CCDC150: variants seen among roughly 807,000 people sequenced by gnomAD.
The protein encoded by CCDC150 is coiled-coil domain-containing protein 150.
CCDC150 carries 151 observed loss-of-function variants against 156.5 expected under a neutral mutation model. That is an observed-to-expected ratio of 0.97 (90% CI 0.85 to 1.10). CCDC150 has a LOEUF of 1.10. Among genes scored for constraint, CCDC150 ranks in the 50% least tolerant of loss-of-function variants. The pLI, the probability that CCDC150 is intolerant of heterozygous loss-of-function variation, is 0.00. For missense variants in CCDC150, 1,312 were observed against 1,268.1 expected, an observed-to-expected ratio of 1.03 and a Z score of -0.53; for synonymous variants, 452 against 429.4, an observed-to-expected ratio of 1.05 and a Z score of -0.65.
chr2:196,713,354 A>G (rs1406091697), intron 17 of CCDC150: 2 of 1,458,742 alleles, frequency 1.4e-6, no homozygotes, highest in Non-Finnish European at 1.8e-6. Context: ...TTAATAATTG[A>G]CGATGCCTCT....
In CCDC150 at chr2:196,721,691, A is replaced by G; in HGVS notation, c.2429A>G (p.Lys810Arg). ...ELERQNLETF[K>R]DRMTEESKVE... is the part of the protein sequence containing the mutation. ...GAGCGACAGAATTTGGAAACCTTCA[A>G]GTAAGAGCATTATAGTTGCAGTAAA... is the stretch of plus-strand genomic sequence containing the variant. Residue 810 changes from lysine to arginine, a missense_variant and splice_region_variant, in exon 21 of 28, where the codon AAA becomes AGA. Coordinates refer to ENST00000389175, the MANE Select transcript of CCDC150 (RefSeq NM_001080539.2). The G allele has an allele frequency of 6.3e-7, 1 of 1,590,458 alleles. No homozygotes were observed. The highest frequency in any genetic ancestry group is 8.6e-7 in the Non-Finnish European group (1 of 1,169,144).
chr2:196,665,139 T>G (rs1693768171), intron 5 of CCDC150, among the ~76,000 whole-genome samples: 1 of 152,210 alleles, frequency 6.6e-6, no homozygotes, highest in South Asian at 2.1e-4. Flanking sequence ...ACTAGTGTTT[T>G]TCAAACTTTT....
chr2:196,724,618 G>A (rs1698109324), intron 21 of CCDC150, among the ~76,000 whole-genome samples: 1 of 152,072 alleles, frequency 6.6e-6, no homozygotes, highest in African/African-American at 2.4e-5. Context: ...CCATACTCAA[G>A]GTCAGACATC....
intron 13 of CCDC150, among the ~76,000 whole-genome samples, chr2:196,680,017 A>G (rs1003635873): frequency 3.3e-5 from 5 of 152,104 alleles, no homozygotes; most frequent in African/African-American, 9.7e-5. Context: ...TACTGTTTGT[A>G]TATATACAAG....
chr2:196,680,436 G>A (rs574391488), intron 13 of CCDC150, among the ~76,000 whole-genome samples: 1 of 152,034 alleles, frequency 6.6e-6, no homozygotes, highest in South Asian at 2.1e-4. Context: ...TGAGTAGCTG[G>A]GACTGCAGAT....
chr2:196,732,473 T>C lies in CCDC150; in HGVS notation c.3217T>C (p.Ser1073Pro), dbSNP rs1396089109. ...CCAAGATGTAAAACATGATGTCATG[T>C]CCAACCAATCTGTTCTGCATCGATG... The part of the protein sequence containing the change: ...KDQDVKHDVM[S>P]NQSVLHRWER... Residue 1073 changes from serine (S) to proline (P), a missense_variant, in exon 28 of 28, where the codon TCC becomes CCC. Transcript: ENST00000389175. 3 of 1,613,568 alleles carry C rather than the reference T, an allele frequency of 1.9e-6. No homozygotes were observed. The highest frequency in any genetic ancestry group is 2.5e-6 in the Non-Finnish European group (3 of 1,179,626).
chr2:196,662,768 A>AAAAAAAG (rs777237647), intron 5 of CCDC150, among the ~76,000 whole-genome samples: 16 of 152,122 alleles, frequency 1.1e-4, no homozygotes, highest in Non-Finnish European at 2.1e-4. Flanking sequence ...ATTTCTGGAA[A>AAAAAAAG]AAAAAAGAAA....
Position 196,693,080 on chromosome 2 carries a change from T to A in CCDC150, c.1510-1966T>A, listed in dbSNP as rs191205058. Among the ~76,000 whole-genome samples, 23 of 152,294 alleles carry A rather than the reference T, an allele frequency of 1.5e-4. No individual in the cohort carries two copies. The East Asian group carries it at 3.9e-3, about 26-fold the overall frequency. Reference sequence around the variant, plus strand: ...ATTATGTAATGCCCTTCTTTGTCTTTTTTTGTCTTTATTGGTTCAAAGTCT... The same window carrying A: ...ATTATGTAATGCCCTTCTTTGTCTTATTTTGTCTTTATTGGTTCAAAGTCT... On this transcript the variant is annotated intron_variant, in intron 13 of 27. Transcript: ENST00000389175.
rs1256671671 is a variant in CCDC150 at position 196,729,954 on chromosome 2, C to T, written c.2821-3C>T. On this transcript the variant is annotated splice_region_variant and splice_polypyrimidine_tract_variant and intron_variant, in intron 24 of 27. Coordinates refer to ENST00000389175, the MANE Select transcript of CCDC150 (RefSeq NM_001080539.2). ...AAATGTCTCTGTCTTTGTATCCTTC[C>T]AGTCTTTGAGTATCCAGAGATTTGT... The T allele has an allele frequency of 6.2e-7, 1 of 1,611,078 alleles. No homozygotes were observed. Among genetic ancestry groups the T allele is most frequent in the Non-Finnish European group, 8.5e-7 (1 of 1,178,922 alleles).
rs759358227 is a variant in CCDC150, at chr2:196,718,497, A to G, written c.1867-6A>G. On this transcript the variant is annotated splice_polypyrimidine_tract_variant and splice_region_variant and intron_variant, in intron 17 of 27. Transcript: ENST00000389175. Reference sequence around the variant, plus strand: ...TGTTATTTATTGTTTCTTTTTTCCTACTTAGGTGAAATCTATTCTTGAAAG... The same window carrying G: ...TGTTATTTATTGTTTCTTTTTTCCTGCTTAGGTGAAATCTATTCTTGAAAG... 24 of 1,598,242 alleles carry G rather than the reference A, an allele frequency of 1.5e-5. No homozygotes were observed. Among genetic ancestry groups the G allele is most frequent in the Admixed American group, 3.5e-5 (2 of 57,686 alleles).
chr2:196,700,705 G>A (rs1696147429), intron 14 of CCDC150, among the ~76,000 whole-genome samples: 1 of 152,054 alleles, frequency 6.6e-6, no homozygotes, highest in African/African-American at 2.4e-5. Flanking sequence ...GGTAAGTGAG[G>A]TGCCTTCTGC....
chr2:196,649,907 GT>G (rs1231017825), intron 2 of CCDC150, among the ~76,000 whole-genome samples: 6 of 152,112 alleles, frequency 3.9e-5, no homozygotes, highest in Non-Finnish European at 1.5e-5. Flanking sequence ...AGTCTTTAGG[GT>G]TTTCTGTACA....
intron 17 of CCDC150, among the ~76,000 whole-genome samples, chr2:196,715,475 A>G (rs1372382518): frequency 6.6e-6 from 1 of 152,200 alleles, no homozygotes; most frequent in East Asian, 1.9e-4. Flanking sequence ...AACTGGCAAC[A>G]TTATTTTTGA....
chr2:196,712,115 ATT>A (rs1192249087), intron 15 of CCDC150, 28 bp from the exon 16 acceptor site: 1 of 1,123,492 alleles, frequency 8.9e-7, no homozygotes, highest in Non-Finnish European at 1.3e-6. Context: ...ATTTTTTAAA[ATT>A]TTTTTTGTAT....
chr2:196,681,484 T>C (rs1694817052), intron 13 of CCDC150, among the ~76,000 whole-genome samples: 1 of 152,190 alleles, frequency 6.6e-6, no homozygotes, highest in South Asian at 2.1e-4. Context: ...TTCTTTGTGA[T>C]ATATATATCT....
Position 196,674,339 on chromosome 2 carries a change from C to T in CCDC150, c.1128C>T (p.Ala376=). ...EKARIIADHQ[A]ILQVEQKMMT... Reference sequence around the variant, plus strand: ...CCAGAATCATTGCTGACCATCAGGCCATTCTGCAGGTATTCGTTTAACATG... The same window carrying T: ...CCAGAATCATTGCTGACCATCAGGCTATTCTGCAGGTATTCGTTTAACATG... The change falls in exon 10 of 28, where the codon GCC becomes GCT. Residue 376 remains alanine (A), a synonymous_variant. Coordinates refer to ENST00000389175, the MANE Select transcript of CCDC150 (RefSeq NM_001080539.2). The T allele has an allele frequency of 1.9e-6, 3 of 1,595,888 alleles. No individual in the cohort carries two copies. The highest frequency in any genetic ancestry group is 2.6e-6 in the Non-Finnish European group (3 of 1,169,906).
chr2:196,714,124 T>A (rs961598465), intron 17 of CCDC150, among the ~76,000 whole-genome samples: 6 of 152,214 alleles, frequency 3.9e-5, no homozygotes, highest in African/African-American at 9.6e-5. Flanking sequence ...TAGAGTGGGC[T>A]ACTATTACCG....
At chr2:196,683,350 A>G (rs899185306) in intron 13 of CCDC150, among the ~76,000 whole-genome samples, 1 of 152,068 alleles carries the variant, frequency 6.6e-6, no homozygotes, top group African/African-American at 2.4e-5. Flanking sequence ...CTAAGCTTGC[A>G]TTCCTTGGAT....
rs1389230184 is a variant in CCDC150 at position 196,677,317 on chromosome 2, G to A, written c.1465G>A (p.Val489Met). ...GGTTAATAAAACAGAAAAAGAAATA[G>A]TGCAAGAAAGATGCAATTTGGAAAA... The part of the protein sequence containing the change: ...REVNKTEKEI[V>M]QERCNLEKEL... The change falls in exon 13 of 28, where the codon GTG (valine) becomes ATG (methionine). Residue 489 changes from valine to methionine, a missense_variant. Val to Met is a conservative substitution (Grantham distance 21). Coordinates refer to ENST00000389175, the MANE Select transcript of CCDC150 (RefSeq NM_001080539.2). 5 of 1,570,170 alleles carry A rather than the reference G, an allele frequency of 3.2e-6. No homozygotes were observed. The highest frequency in any genetic ancestry group is 4.3e-6 in the Non-Finnish European group (5 of 1,156,356).
Sources: allele counts gnomAD v4.1 joint callset (sites outside exome capture counted in the v4.1 genomes callset), GRCh38; gene constraint gnomAD v4.1.1; transcripts MANE v1.5; gene names NCBI Gene and HGNC (gene_info 2026-07-23, HGNC 2026-07-21).